Variants in PCDHGB2 observed in about 807,000 individuals in gnomAD.
PCDHGB2 encodes the protein protocadherin gamma-B2.
A neutral mutation model predicts 59.3 loss-of-function variants in PCDHGB2; 55 were observed. That is an observed-to-expected ratio of 0.93 (90% confidence interval 0.75 to 1.16). PCDHGB2 has a LOEUF of 1.16. Among genes scored for constraint, PCDHGB2 ranks in the 50% most tolerant of loss-of-function variants. The pLI is 0.00. For synonymous variants in PCDHGB2, 516 were observed against 512.0 expected (o/e 1.01, Z -0.11); for missense variants, 1,228 against 1,198.5 (o/e 1.02, Z -0.36).
chr5:141,395,435 T>A, intron 1 of PCDHGB2: 1 of 680,384 alleles, frequency 1.5e-6, no homozygotes, highest in Non-Finnish European at 2.3e-6. Context: ...TTTAAACGAC[T>A]TGGAAAAGAT....
intron 1 of PCDHGB2, among the ~76,000 whole-genome samples, chr5:141,435,227 G>T (rs1461159947): frequency 1.3e-5 from 2 of 152,030 alleles, no homozygotes; most frequent in African/African-American, 4.8e-5. Context: ...TTCTTTCAAA[G>T]TTCAGTAATT....
At chr5:141,478,460 C>G (rs759992881) in intron 1 of PCDHGB2, 1 of 1,613,344 alleles carries the variant, frequency 6.2e-7, no homozygotes, top group East Asian at 2.2e-5. Flanking sequence ...AGCCAGTCCA[C>G]TGGCCAGCCG....
rs532725430 is a variant in PCDHGB2, at chr5:141,429,107, G to A, written c.2422-65700G>A. On this transcript the variant is annotated intron_variant, in intron 1 of 3. Transcript: ENST00000522605. ...CTGACCTCGTGATCTGCCCGCCTCG[G>A]CCTCCCAAAGTGCTGGGATTATAGG... The A allele has an allele frequency of 3.8e-3, 579 of 152,026 alleles. 5 individuals are homozygous for A. Among genetic ancestry groups the A allele is most frequent in the Admixed American group, 0.011 (166 of 15,232 alleles). The allele number at this position is 152,026 out of a possible 1,614,324, so 9.4% of individuals were successfully genotyped here. A position where few individuals can be genotyped will look rare whatever the true frequency, so the allele number is the denominator to read the frequency against.
At chr5:141,390,538 C>T (rs1371210436) in intron 1 of PCDHGB2, 1 of 518,192 alleles carries the variant, frequency 1.9e-6, no homozygotes, top group Non-Finnish European at 3.4e-6. Context: ...GTTTTAACCA[C>T]AAAGTGAAAG....
intron 1 of PCDHGB2, among the ~76,000 whole-genome samples, chr5:141,381,599 T>C (rs1273652437): frequency 9.9e-5 from 15 of 152,240 alleles, no homozygotes; most frequent in Admixed American, 9.8e-4. Flanking sequence ...CAGTTTCTTA[T>C]GAATTCACAG....
chr5:141,464,043 T>C (rs2099074643), intron 1 of PCDHGB2, among the ~76,000 whole-genome samples: 2 of 152,074 alleles, frequency 1.3e-5, no homozygotes, highest in African/African-American at 4.8e-5. Context: ...GGCGGGTGGA[T>C]CACCTGAGGT....
At chr5:141,383,356 C>A (rs1046340065) in intron 1 of PCDHGB2, 1 of 1,613,884 alleles carries the variant, frequency 6.2e-7, no homozygotes, top group Non-Finnish European at 8.5e-7. Context: ...GGTTCGGTTT[C>A]CGTTAAGCGA....
At chr5:141,384,184 A>T (rs1179495803) in intron 1 of PCDHGB2, 1 of 1,613,758 alleles carries the variant, frequency 6.2e-7, no homozygotes, top group Non-Finnish European at 8.5e-7. Flanking sequence ...AGATGGTGGA[A>T]CTCCTCCCTT....
At chr5:141,364,516 C>T (rs1182506562) in intron 1 of PCDHGB2, 50 of 1,613,884 alleles carry the variant, frequency 3.1e-5, no homozygotes, top group Non-Finnish European at 4.2e-5. Flanking sequence ...TGGCGGAGCG[C>T]GGAGTCCGCA....
chr5:141,370,932 T>A, intron 1 of PCDHGB2: 1 of 1,613,926 alleles, frequency 6.2e-7, no homozygotes, highest in Admixed American at 1.7e-5. Flanking sequence ...GCACTTCTCT[T>A]TGATTCAGAA....
rs764036848 is a variant in PCDHGB2, at chr5:141,362,340, T to C, written c.2205T>C (p.Pro735=). The stretch of plus-strand genomic sequence containing the variant: ...TTCAGCCTGGTCTCAGCTCCAAGCC[T>C]GGACCTGGGGTTCTCCCCAATTACA... ...DCFQPGLSSK[P]GPGVLPNYSE... Residue 735 remains proline (P), a synonymous_variant, in exon 1 of 4, where the codon CCT becomes CCC. Transcript: ENST00000522605. 2 of 1,614,058 alleles carry C rather than the reference T, an allele frequency of 1.2e-6. No individual in the cohort carries two copies. Among genetic ancestry groups the C allele is most frequent in the African/African-American group, 2.7e-5 (2 of 75,068 alleles).
intron 1 of PCDHGB2, among the ~76,000 whole-genome samples, chr5:141,397,239 G>A (rs563338293): frequency 1.8e-4 from 27 of 152,262 alleles, no homozygotes; most frequent in Non-Finnish European, 3.4e-4. Flanking sequence ...GAAGAGCAAC[G>A]TAGTAGGGTA....
At chr5:141,404,806 G>T (rs774487660) in intron 1 of PCDHGB2, 2 of 1,613,992 alleles carry the variant, frequency 1.2e-6, no homozygotes, top group South Asian at 1.1e-5. Context: ...GGCTCTTCTC[G>T]GTGGGGCTGC....
chr5:141,360,006 A>G lies in PCDHGB2; in HGVS notation c.-130A>G, dbSNP rs551893441. On this transcript the variant is annotated 5_prime_UTR_variant, in exon 1 of 4. Transcript: ENST00000522605. ...AGAGGGGAACTTCCTGCACAAACCA[A>G]CCACACAGAGAAGGCCAGTATAGAT... 5.9e-5 allele frequency: 71 copies of G among 1,203,596 alleles called. No homozygotes were observed. The Middle Eastern group carries it at 1.4e-3, about 25-fold the overall frequency. 74.6% of individuals were successfully genotyped at this position (1,203,596 alleles called of 1,614,324 possible). A position where few individuals can be genotyped will look rare whatever the true frequency, so the allele number is the denominator to read the frequency against.
At chr5:141,415,012 C>T (rs1451963535) in intron 1 of PCDHGB2, 2 of 1,613,644 alleles carry the variant, frequency 1.2e-6, no homozygotes, top group South Asian at 1.1e-5. Context: ...CTACCGTCTG[C>T]TCAAGGCCAG....
intron 1 of PCDHGB2, chr5:141,422,864 AC>A (rs2096680510): frequency 1.9e-6 from 3 of 1,614,190 alleles, no homozygotes; most frequent in Non-Finnish European, 2.5e-6. Flanking sequence ...CTCAGCAGCA[AC>A]GTGTCGCTGA....
In PCDHGB2 at chr5:141,399,794, C is replaced by A. The variant is rs2093888579; in HGVS notation, c.2421+37238C>A. ...GTGGGCGACCGAAACGACAACGCAC[C>A]GCGGGTGCTGTACCCCGCGCTGGGT... is the stretch of plus-strand genomic sequence containing the variant. On this transcript the variant is annotated intron_variant, in intron 1 of 3. Transcript: ENST00000522605. 1.9e-6 allele frequency: 3 copies of A among 1,613,268 alleles called. No homozygotes were observed. The highest frequency in any genetic ancestry group is 1.1e-5 in the South Asian group (1 of 91,052).
At chr5:141,375,047 C>T (rs201669950) in intron 1 of PCDHGB2, 1 of 1,613,958 alleles carries the variant, frequency 6.2e-7, no homozygotes, top group Non-Finnish European at 8.5e-7. Context: ...TGTTGAAGCC[C>T]GGGATGGGCC....
At chr5:141,387,533 C>A (rs2090979640) in intron 1 of PCDHGB2, among the ~76,000 whole-genome samples, 1 of 152,192 alleles carries the variant, frequency 6.6e-6, no homozygotes, top group African/African-American at 2.4e-5. Flanking sequence ...GACGTATCCA[C>A]GTAGTTTTTG....
Sources: allele counts gnomAD v4.1 joint callset (sites outside exome capture counted in the v4.1 genomes callset), GRCh38; gene constraint gnomAD v4.1.1; transcripts MANE v1.5; gene names NCBI Gene and HGNC (gene_info 2026-07-23, HGNC 2026-07-21).